STAG1: variants seen among roughly 807,000 people sequenced by gnomAD.
The protein encoded by STAG1 is cohesin subunit SA-1.
A neutral mutation model predicts 170.9 loss-of-function variants in STAG1; 26 were observed. The ratio of observed to expected loss-of-function variants is 0.15; its 90% CI spans 0.11 to 0.21. The LOEUF (loss-of-function observed/expected upper bound fraction) is 0.21. Among genes scored for constraint, STAG1 ranks in the 10% least tolerant of loss-of-function variants. The pLI, the probability that STAG1 is intolerant of heterozygous loss-of-function variation, is 1.00. For synonymous variants in STAG1, 514 were observed against 497.7 expected (o/e 1.03, Z -0.44); for missense variants, 964 against 1,509.5 (o/e 0.64, Z 5.99).
chr3:136,662,224 T>G (rs535972488), intron 1 of STAG1, among the ~76,000 whole-genome samples: 1 of 150,904 alleles, frequency 6.6e-6, no homozygotes, highest in East Asian at 2.0e-4. Flanking sequence ...TGATCTCAGC[T>G]CACTGCAGTC....
At chr3:136,444,929 C>T (rs778921326) in intron 14 of STAG1, among the ~76,000 whole-genome samples, 3 of 151,896 alleles carry the variant, frequency 2.0e-5, no homozygotes, top group Non-Finnish European at 2.9e-5. Context: ...GGCACAATCA[C>T]GGCTCACTGC....
chr3:136,550,789 A>C (rs1936350220), intron 5 of STAG1, among the ~76,000 whole-genome samples: 1 of 151,984 alleles, frequency 6.6e-6, no homozygotes, highest in Non-Finnish European at 1.5e-5. Flanking sequence ...TTCACACTTT[A>C]CTTGTTTTTG....
At chr3:136,446,246 T>C (rs1338554098) in intron 14 of STAG1, among the ~76,000 whole-genome samples, 5 of 152,276 alleles carry the variant, frequency 3.3e-5, no homozygotes, top group African/African-American at 1.2e-4. Flanking sequence ...GGTTTTTGTT[T>C]TTTGTTTTTT....
chr3:136,410,548 C>A (rs1004200218), intron 21 of STAG1, among the ~76,000 whole-genome samples: 1 of 152,028 alleles, frequency 6.6e-6, no homozygotes, highest in African/African-American at 2.4e-5. Flanking sequence ...TGAGTGGGTG[C>A]GCCACTGCTA....
At chr3:136,498,793 AG>A (rs778001878) in intron 9 of STAG1, among the ~76,000 whole-genome samples, 8 of 152,228 alleles carry the variant, frequency 5.3e-5, no homozygotes, top group Admixed American at 2.6e-4. Context: ...AGTATATGCA[AG>A]AAAGCAGACA....
At chr3:136,546,902 C>T (rs1326818755) in intron 5 of STAG1, among the ~76,000 whole-genome samples, 1 of 152,172 alleles carries the variant, frequency 6.6e-6, no homozygotes, top group African/African-American at 2.4e-5. Context: ...TTTCTTCAAC[C>T]TGTGCTTCAA....
intron 7 of STAG1, among the ~76,000 whole-genome samples, chr3:136,507,593 C>G (rs1364782679): frequency 6.6e-6 from 1 of 152,198 alleles, no homozygotes; most frequent in South Asian, 2.1e-4. Flanking sequence ...GTCTTGAACT[C>G]CTGGCCTCAA....
chr3:136,390,836 A>G (rs1339763116), intron 22 of STAG1, among the ~76,000 whole-genome samples: 1 of 152,200 alleles, frequency 6.6e-6, no homozygotes, highest in Non-Finnish European at 1.5e-5. Context: ...TGGGTAGGGA[A>G]GAGAAAAGAA....
intron 20 of STAG1, 124 bp from the exon 21 acceptor site, chr3:136,418,096 G>A: frequency 5.4e-6 from 4 of 742,406 alleles, no homozygotes; most frequent in African/African-American, 5.3e-5. Context: ...GCTCACGCCT[G>A]TAATCCCAGC....
chr3:136,456,753 G>A (rs1031824708), intron 13 of STAG1, among the ~76,000 whole-genome samples: 1 of 152,092 alleles, frequency 6.6e-6, no homozygotes, highest in Non-Finnish European at 1.5e-5. Flanking sequence ...AATATTCAAA[G>A]CATCAAAAGA....
intron 5 of STAG1, among the ~76,000 whole-genome samples, chr3:136,557,917 T>C (rs1936691749): frequency 6.6e-6 from 1 of 152,164 alleles, no homozygotes; most frequent in South Asian, 2.1e-4. Flanking sequence ...AATTTAAAAC[T>C]CATGTTCATT....
chr3:136,532,832 A>G (rs1935444540), intron 6 of STAG1, among the ~76,000 whole-genome samples: 1 of 152,214 alleles, frequency 6.6e-6, no homozygotes. Context: ...GGAAAAGTTC[A>G]AACCTTTTCC....
chr3:136,422,118 C>T (rs2087975672), intron 19 of STAG1, among the ~76,000 whole-genome samples: 1 of 143,924 alleles, frequency 6.9e-6, no homozygotes, highest in Non-Finnish European at 1.5e-5. Context: ...CGTGCCACTG[C>T]ACTCTAGCCT....
At chr3:136,505,459 T>A (rs1933709335) in intron 7 of STAG1, among the ~76,000 whole-genome samples, 1 of 152,252 alleles carries the variant, frequency 6.6e-6, no homozygotes, top group Non-Finnish European at 1.5e-5. Flanking sequence ...GACAATTTAA[T>A]GCCTGTTGAT....
At chr3:136,541,384 T>G (rs558626637) in intron 6 of STAG1, among the ~76,000 whole-genome samples, 1 of 152,276 alleles carries the variant, frequency 6.6e-6, no homozygotes, top group African/African-American at 2.4e-5. Context: ...GTGGAAATGT[T>G]TCTGCATTTA....
At chr3:136,590,047 C>A in intron 4 of STAG1, among the ~76,000 whole-genome samples, 1 of 152,076 alleles carries the variant, frequency 6.6e-6, no homozygotes, top group East Asian at 1.9e-4. Context: ...CACTTGAACC[C>A]AGGAGATGGA....
intron 3 of STAG1, among the ~76,000 whole-genome samples, chr3:136,621,309 A>G (rs1939839672): frequency 6.6e-6 from 1 of 152,238 alleles, no homozygotes; most frequent in African/African-American, 2.4e-5. Flanking sequence ...AAGAATTTCA[A>G]GTTGGGGAGA....
Position 136,486,982 on chromosome 3 carries a change from A to AT in STAG1, c.903-9571dup, listed in dbSNP as rs111653729. ...CACAGGTTCTCTGTATGCAATGCCG[A>AT]TTTTTTTTTATTTCTTCAAAAAAAA... is the stretch of plus-strand genomic sequence containing the variant. On this transcript the variant is annotated intron_variant, in intron 9 of 33. Transcript: ENST00000383202. Among the ~76,000 whole-genome samples the AT allele has an allele frequency of 6.7e-3, 678 of 101,272 alleles. 8 individuals carry two copies. Among genetic ancestry groups the AT allele is most frequent in the African/African-American group, 0.026 (620 of 24,150 alleles). 66.4% of individuals were successfully genotyped at this position (101,272 alleles called of 152,430 possible).
chr3:136,605,367 G>A (rs542050406), intron 3 of STAG1, among the ~76,000 whole-genome samples: 1 of 151,934 alleles, frequency 6.6e-6, no homozygotes, highest in African/African-American at 2.4e-5. Flanking sequence ...AAAAATTGTT[G>A]GCAGTCACTG....
Sources: gnomAD v4.1 joint callset for allele counts (sites outside exome capture counted in the v4.1 genomes callset) on GRCh38, gnomAD v4.1.1 for gene constraint, MANE v1.5 for transcripts, NCBI Gene and HGNC (gene_info 2026-07-23, HGNC 2026-07-21) for gene names.